The following CERS3 variants were observed in gnomAD, a reference collection of about 807,000 sequenced individuals.
The protein encoded by CERS3 is ceramide synthase 3.
A neutral mutation model predicts 50.3 loss-of-function variants in CERS3; 33 were observed. The observed-to-expected ratio is 0.66, with a 90% CI of 0.50 to 0.88. CERS3 has a LOEUF of 0.88. Ranked by LOEUF, CERS3 falls within the 40% of genes least tolerant of loss-of-function variation. The pLI is 0.00. For missense variants in CERS3, 470 were observed against 460.3 expected (o/e 1.02, Z -0.19); for synonymous variants, 176 against 155.2 (o/e 1.13, Z -0.99).
rs1268913487 is a variant in CERS3, at chr15:100,421,048, C to T, written c.1000-18183G>A. Among the ~76,000 whole-genome samples the T allele has an allele frequency of 2.9e-4, 43 of 147,168 alleles. 1 individual carries two copies. The highest frequency in any genetic ancestry group is 2.6e-4 in the Non-Finnish European group (17 of 66,650). On this transcript the variant is annotated intron_variant, in intron 11 of 11. Coordinates refer to ENST00000679737, the MANE Select transcript of CERS3 (RefSeq NM_001378789.1). ...AAGACAGGGATGCCCTCTCTCACCA[C>T]TCCTATTCAACATAGTGTTGGAAGT... is the stretch of plus-strand genomic sequence containing the variant.
intron 11 of CERS3, among the ~76,000 whole-genome samples, chr15:100,454,470 A>G (rs2034292434): frequency 1.3e-5 from 2 of 152,120 alleles, no homozygotes; most frequent in Admixed American, 6.6e-5. Flanking sequence ...ATCCTCTTCA[A>G]TAAATGGTGT....
At chr15:100,481,088 G>A (rs1254610966) in intron 5 of CERS3, among the ~76,000 whole-genome samples, 1 of 152,188 alleles carries the variant, frequency 6.6e-6, no homozygotes, top group East Asian at 1.9e-4. Context: ...GCCTTACAGT[G>A]CTTTCCTTGA....
At chr15:100,533,867 C>G (rs1000397045), upstream of CERS3, among the ~76,000 whole-genome samples, 1 of 152,180 alleles carries the variant, frequency 6.6e-6, no homozygotes, top group Non-Finnish European at 1.5e-5. Flanking sequence ...CCACTGGGTT[C>G]TTTCAAAACT....
At chr15:100,409,300 A>T (rs1458800365) in intron 11 of CERS3, among the ~76,000 whole-genome samples, 1 of 152,180 alleles carries the variant, frequency 6.6e-6, no homozygotes, top group Non-Finnish European at 1.5e-5. Flanking sequence ...CATGTTCTAC[A>T]TTCTATTTCA....
In CERS3 at chr15:100,472,992, A is replaced by G. The variant is rs757063256; in HGVS notation, c.670T>C (p.Cys224Arg). 1.2e-6 allele frequency: 2 copies of G among 1,614,020 alleles called. No individual in the cohort carries two copies. The highest frequency in any genetic ancestry group is 4.5e-5 in the East Asian group (2 of 44,882). Residue 224 changes from cysteine (C) to arginine (R), a missense_variant, in exon 9 of 12, where the codon TGT (cysteine) becomes CGT (arginine). Coordinates refer to ENST00000679737, the MANE Select transcript of CERS3 (RefSeq NM_001378789.1). ...GTCCCACTGCGAATATAATTAGCAC[A>G]CCAAGAGAAGCTCATCAGACTAATA... Reference protein sequence around the residue: ...AAISLMSFSWCANYIRSGTLV... With the variant: ...AAISLMSFSWRANYIRSGTLV...
intron 2 of CERS3, among the ~76,000 whole-genome samples, chr15:100,510,016 C>T: frequency 1.2e-5 from 1 of 80,068 alleles, no homozygotes; most frequent in South Asian, 5.6e-4. Flanking sequence ...ACCAGCTCTA[C>T]AAACCCAGCC....
intron 11 of CERS3, among the ~76,000 whole-genome samples, chr15:100,407,091 T>C (rs1449622086): frequency 6.6e-6 from 1 of 152,154 alleles, no homozygotes; most frequent in Non-Finnish European, 1.5e-5. Context: ...ATGGGAATTG[T>C]GGGAGTTACA....
At chr15:100,466,707 G>C (rs1351918129) in intron 10 of CERS3, among the ~76,000 whole-genome samples, 1 of 151,614 alleles carries the variant, frequency 6.6e-6, no homozygotes. Flanking sequence ...AGCAGCATCA[G>C]CCAGCTGATT....
chr15:100,518,866 T>A (rs1162299517), intron 2 of CERS3, among the ~76,000 whole-genome samples: 1 of 152,180 alleles, frequency 6.6e-6, no homozygotes, highest in Admixed American at 6.5e-5. Flanking sequence ...ATATTTTATT[T>A]TAAAAAATTC....
chr15:100,426,058 A>T (rs1208314316), intron 11 of CERS3: 3 of 152,336 alleles, frequency 2.0e-5, no homozygotes, highest in African/African-American at 7.2e-5. Flanking sequence ...CTCCCCAGTC[A>T]TGTTACCTGT....
intron 11 of CERS3, among the ~76,000 whole-genome samples, chr15:100,425,021 T>G (rs529052351): frequency 7.9e-6 from 1 of 126,670 alleles, no homozygotes; most frequent in South Asian, 2.8e-4. Context: ...GGCTTCCATA[T>G]AGTTAAGCCT....
At chr15:100,410,834 C>T (rs1001530973) in intron 11 of CERS3, among the ~76,000 whole-genome samples, 4 of 152,206 alleles carry the variant, frequency 2.6e-5, no homozygotes, top group South Asian at 4.1e-4. Flanking sequence ...ATAAGATTTA[C>T]TATGTTAACC....
At chr15:100,512,778 A>G (rs2036384482) in intron 2 of CERS3, among the ~76,000 whole-genome samples, 1 of 152,152 alleles carries the variant, frequency 6.6e-6, no homozygotes, top group Non-Finnish European at 1.5e-5. Context: ...GAGCAAGTCA[A>G]AAAAGGCCTC....
intron 2 of CERS3, among the ~76,000 whole-genome samples, chr15:100,505,577 C>A (rs917872486): frequency 3.3e-5 from 5 of 152,178 alleles, no homozygotes; most frequent in African/African-American, 1.2e-4. Flanking sequence ...TATTAAGAAC[C>A]CATTCTTCAC....
intron 11 of CERS3, among the ~76,000 whole-genome samples, chr15:100,429,211 G>C (rs1400149907): frequency 1.3e-5 from 2 of 152,192 alleles, no homozygotes; most frequent in African/African-American, 4.8e-5. Flanking sequence ...TCCTCAGTGA[G>C]CTTCTGCACC....
upstream of CERS3, among the ~76,000 whole-genome samples, chr15:100,532,480 A>G (rs1310233968): frequency 2.0e-5 from 3 of 152,168 alleles, no homozygotes; most frequent in African/African-American, 7.2e-5. Context: ...AAATGCTACC[A>G]AACTGCCAGG....
At chr15:100,468,701 G>A (rs1409710066) in intron 10 of CERS3, among the ~76,000 whole-genome samples, 2 of 152,126 alleles carry the variant, frequency 1.3e-5, no homozygotes, top group Non-Finnish European at 1.5e-5. Context: ...TCTGGTTTCT[G>A]TCAATCAACA....
intron 9 of CERS3, among the ~76,000 whole-genome samples, chr15:100,472,690 G>A (rs2035006380): frequency 6.6e-6 from 1 of 152,160 alleles, no homozygotes; most frequent in Admixed American, 6.5e-5. Flanking sequence ...CAACCTTCAG[G>A]AGTGGAATCC....
chr15:100,499,268 T>C (rs560060855), intron 3 of CERS3, among the ~76,000 whole-genome samples: 57 of 152,226 alleles, frequency 3.7e-4, no homozygotes, highest in Non-Finnish European at 6.9e-4. Context: ...GTTAGGTTTC[T>C]TTTAAATCAC....
Sources: gnomAD v4.1 joint callset for allele counts (sites outside exome capture counted in the v4.1 genomes callset) on GRCh38, gnomAD v4.1.1 for gene constraint, MANE v1.5 for transcripts, NCBI Gene and HGNC (gene_info 2026-07-23, HGNC 2026-07-21) for gene names.